NAA16: variants seen among roughly 807,000 people sequenced by gnomAD.
NAA16 encodes the protein N-alpha-acetyltransferase 16, NatA auxiliary subunit.
Under a neutral mutation model 110.3 loss-of-function variants are expected in NAA16, and 97 were observed. The observed-to-expected ratio is 0.88, with a 90% confidence interval of 0.75 to 1.04. The LOEUF (loss-of-function observed/expected upper bound fraction) is 1.04. Ranked by LOEUF, NAA16 falls within the 50% of genes least tolerant of loss-of-function variation. NAA16 has a pLI of 0.00. For synonymous variants in NAA16, 372 were observed against 330.6 expected, an observed-to-expected ratio of 1.13 and a Z score of -1.36; for missense variants, 1,017 against 1,005.1, an observed-to-expected ratio of 1.01 and a Z score of -0.16.
At chr13:41,314,537 T>C (rs1018993182) in intron 1 of NAA16, among the ~76,000 whole-genome samples, 2 of 152,336 alleles carry the variant, frequency 1.3e-5, no homozygotes, top group African/African-American at 4.8e-5. Context: ...ATATAAACTT[T>C]TTTTCCATGA....
intron 9 of NAA16, among the ~76,000 whole-genome samples, chr13:41,351,261 T>A (rs1355567064): frequency 6.6e-6 from 1 of 152,236 alleles, no homozygotes; most frequent in Non-Finnish European, 1.5e-5. Flanking sequence ...TAATTTTCCC[T>A]TACTCTCTAA....
intron 17 of NAA16, chr13:41,373,177 A>T: frequency 1.1e-6 from 1 of 896,546 alleles, no homozygotes; most frequent in African/African-American, 1.8e-5. Flanking sequence ...TTAGGCTAGG[A>T]TGTATTTATA....
intron 14 of NAA16, 82 bp from the exon 15 acceptor site, chr13:41,369,008 C>T (rs1027556236): frequency 8.2e-7 from 1 of 1,219,384 alleles, no homozygotes; most frequent in African/African-American, 1.5e-5. Flanking sequence ...AAGGGACAAC[C>T]ATACTAACAG....
Position 41,311,429 on chromosome 13 carries a change from C to G in NAA16, c.-100C>G. On this transcript the variant is annotated 5_prime_UTR_variant, in exon 1 of 20. Transcript: ENST00000379406. ...ATGAACTAATCCATCGCCCGCAGCC[C>G]GACTCTCAGCAGCGGTTCGTCCCGG... 1 of 1,166,470 alleles carries G rather than the reference C, an allele frequency of 8.6e-7. No homozygotes were observed. The highest frequency in any genetic ancestry group is 1.2e-6 in the Non-Finnish European group (1 of 807,960). 72.3% of individuals were successfully genotyped at this position (1,166,470 alleles called of 1,614,324 possible). A position where few individuals can be genotyped will look rare whatever the true frequency, so the allele number is the denominator to read the frequency against.
chr13:41,311,442 C>A lies in NAA16; in HGVS notation c.-87C>A. 2.3e-6 allele frequency: 3 copies of A among 1,283,008 alleles called. No homozygotes were observed. The highest frequency in any genetic ancestry group is 3.3e-6 in the Non-Finnish European group (3 of 909,148). 79.5% of individuals were successfully genotyped at this position (1,283,008 alleles called of 1,614,324 possible). The stretch of plus-strand genomic sequence containing the variant: ...TCGCCCGCAGCCCGACTCTCAGCAG[C>A]GGTTCGTCCCGGTGCCCACCCCCGC... On this transcript the variant is annotated 5_prime_UTR_variant, in exon 1 of 20. Coordinates refer to ENST00000379406, the MANE Select transcript of NAA16 (RefSeq NM_024561.5).
chr13:41,354,115 C>G (rs2042917534), intron 9 of NAA16, among the ~76,000 whole-genome samples: 4 of 151,576 alleles, frequency 2.6e-5, no homozygotes, highest in Admixed American at 2.6e-4. Context: ...AATGTATAGT[C>G]CTACCTTATT....
intron 13 of NAA16, among the ~76,000 whole-genome samples, chr13:41,366,530 TGGG>T (rs2043210450): frequency 6.6e-6 from 1 of 152,078 alleles, no homozygotes; most frequent in Non-Finnish European, 1.5e-5. Context: ...ATTGTTTTGT[TGGG>T]GGAGGGGCAG....
chr13:41,334,906 ACC>A (rs66921344), intron 8 of NAA16, among the ~76,000 whole-genome samples: 4 of 152,048 alleles, frequency 2.6e-5, no homozygotes, highest in African/African-American at 9.7e-5. Flanking sequence ...GTTTAAGGTC[ACC>A]CCCCCCACTG....
In NAA16 at chr13:41,319,816, C is replaced by CA. The variant is rs566958703; in HGVS notation, c.245-842dup. Among the ~76,000 whole-genome samples, 11 of 149,466 alleles carry CA rather than the reference C, an allele frequency of 7.4e-5. No individual in the cohort carries two copies. In the East Asian group the frequency reaches 1.6e-3, roughly 21 times the overall value. On this transcript the variant is annotated intron_variant, in intron 3 of 19. Coordinates refer to ENST00000379406, the MANE Select transcript of NAA16 (RefSeq NM_024561.5). ...ACAGGTGTGAGCCACCATGCCTGGC[C>CA]AAAAAAAAATTTTTTTTTAAAGGGT...
chr13:41,328,908 GTAA>G, intron 7 of NAA16, 65 bp downstream of exon 7: 1 of 1,353,592 alleles, frequency 7.4e-7, no homozygotes, highest in South Asian at 1.3e-5. Flanking sequence ...ATGTAAAGTT[GTAA>G]TAATACTTGG....
At chr13:41,333,385 C>T (rs191756303) in intron 8 of NAA16, among the ~76,000 whole-genome samples, 1 of 152,088 alleles carries the variant, frequency 6.6e-6, no homozygotes, top group Non-Finnish European at 1.5e-5. Context: ...AGAAATTTTT[C>T]ATGACCCCAA....
In NAA16 at chr13:41,328,805, G is replaced by C; in HGVS notation, c.773G>C (p.Trp258Ser). Residue 258 changes from tryptophan (W) to serine (S), a missense_variant, in exon 7 of 20, where the codon TGG (tryptophan) becomes TCG (serine). Physicochemically the swap from Trp to Ser is radical, Grantham distance 177. Transcript: ENST00000379406. ...TTGATTGATCGAAATGCAGAAAATT[G>C]GTGTTATTATGAAGGCTTGGAAAAA... is the stretch of plus-strand genomic sequence containing the variant. ...KNLIDRNAENWCYYEGLEKAL... is the reference protein window; with the variant it reads ...KNLIDRNAENSCYYEGLEKAL... 6.2e-7 allele frequency: 1 copy of C among 1,604,450 alleles called. No homozygotes were observed. Among genetic ancestry groups the C allele is most frequent in the Non-Finnish European group, 8.5e-7 (1 of 1,172,108 alleles).
chr13:41,337,964 C>T (rs2042427876), intron 9 of NAA16, among the ~76,000 whole-genome samples: 1 of 151,756 alleles, frequency 6.6e-6, no homozygotes, highest in East Asian at 1.9e-4. Flanking sequence ...TTAAAAAAAA[C>T]AAAAAAACCC....
At chr13:41,326,831 A>C (rs992357262) in intron 6 of NAA16, among the ~76,000 whole-genome samples, 4 of 152,160 alleles carry the variant, frequency 2.6e-5, no homozygotes, top group African/African-American at 9.7e-5. Flanking sequence ...GTCATGCTCT[A>C]TGGGTTTTGA....
chr13:41,316,815 TA>T, intron 1 of NAA16, 30 bp from the exon 2 acceptor site: 2 of 1,455,528 alleles, frequency 1.4e-6, no homozygotes, highest in Non-Finnish European at 1.9e-6. Flanking sequence ...ATTCATTTGA[TA>T]AAATAACTTT....
intron 9 of NAA16, among the ~76,000 whole-genome samples, chr13:41,354,926 A>G (rs1358592519): frequency 9.2e-6 from 1 of 109,148 alleles, no homozygotes; most frequent in African/African-American, 3.7e-5. Context: ...TGGTCCATAT[A>G]TATAGCAATG....
chr13:41,348,391 A>C (rs2042740283), intron 9 of NAA16, among the ~76,000 whole-genome samples: 2 of 151,396 alleles, frequency 1.3e-5, no homozygotes, highest in South Asian at 4.2e-4. Flanking sequence ...CTGGTCTTGA[A>C]CTCCTGACCT....
intron 8 of NAA16, among the ~76,000 whole-genome samples, chr13:41,335,311 T>A (rs1423959988): frequency 1.3e-5 from 2 of 152,214 alleles, no homozygotes; most frequent in Admixed American, 1.3e-4. Flanking sequence ...AAATGTACTC[T>A]TGAGGTCAGT....
intron 13 of NAA16, among the ~76,000 whole-genome samples, chr13:41,363,567 T>G (rs1443282770): frequency 2.0e-5 from 3 of 152,192 alleles, no homozygotes; most frequent in Non-Finnish European, 4.4e-5. Context: ...CTGAGTTTCA[T>G]TTAGATTATA....
Sources: gnomAD v4.1 joint callset for allele counts (sites outside exome capture counted in the v4.1 genomes callset) on GRCh38, gnomAD v4.1.1 for gene constraint, MANE v1.5 for transcripts, NCBI Gene and HGNC (gene_info 2026-07-23, HGNC 2026-07-21) for gene names.